The following GPHN variants were observed in gnomAD, a reference collection of about 807,000 sequenced individuals.
GPHN encodes gephyrin.
Under a neutral mutation model 95.5 loss-of-function variants are expected in GPHN, and 17 were observed. The observed-to-expected ratio is 0.18, with a 90% CI of 0.12 to 0.27. The LOEUF is 0.27. Among genes scored for constraint, GPHN ranks in the 10% least tolerant of loss-of-function variants. The pLI is 1.00. For missense variants in GPHN, 660 were observed against 978.1 expected (o/e 0.67, Z 4.34); for synonymous variants, 320 against 322.5 (o/e 0.99, Z 0.08).
intron 18 of GPHN, among the ~76,000 whole-genome samples, chr14:67,158,826 G>C (rs1035476544): frequency 5.9e-5 from 9 of 152,066 alleles, no homozygotes; most frequent in African/African-American, 2.2e-4. Flanking sequence ...TTGACTTTCT[G>C]TTTTAGAGTT....
the GPHN span, among the ~76,000 whole-genome samples, chr14:67,669,648 T>C: frequency 6.6e-6 from 1 of 152,178 alleles, no homozygotes; most frequent in African/African-American, 2.4e-5. Context: ...ACAGGTACCT[T>C]TGATATTCTC....
At chr14:67,204,490 G>A in the GPHN span, 60 of 1,531,178 alleles carry the variant, frequency 3.9e-5, no homozygotes, top group Non-Finnish European at 3.9e-5. Context: ...CTTTTTATAA[G>A]CCTCCCATCA....
At chr14:67,689,715 G>A in the GPHN span, among the ~76,000 whole-genome samples, 1 of 152,132 alleles carries the variant, frequency 6.6e-6, no homozygotes, top group African/African-American at 2.4e-5. Flanking sequence ...AGGCCAAGGT[G>A]GGTGGATCAC....
chr14:67,703,196 T>G, the GPHN span, among the ~76,000 whole-genome samples: 2 of 152,230 alleles, frequency 1.3e-5, no homozygotes, highest in Non-Finnish European at 1.5e-5. Flanking sequence ...TAGTTGGATC[T>G]AAATTATTTT....
chr14:66,663,732 A>G (rs1595456496), intron 1 of GPHN, among the ~76,000 whole-genome samples: 1 of 152,220 alleles, frequency 6.6e-6, no homozygotes, highest in Non-Finnish European at 1.5e-5. Context: ...GCTGTCTTCA[A>G]GAGACCCATC....
In GPHN at chr14:67,159,508, A is replaced by G; in HGVS notation, c.1910+20A>G. The G allele has an allele frequency of 7.0e-7, 1 of 1,424,132 alleles. No homozygotes were observed. The highest frequency in any genetic ancestry group is 9.9e-7 in the Non-Finnish European group (1 of 1,006,630). The allele number at this position is 1,424,132 out of a possible 1,614,324, so 88.2% of individuals were successfully genotyped here. ...ACCAGGGTATGAAAATCATCTTGTT[A>G]TCTCATATATGGGGTTGGTTTGGCT... On this transcript the variant is annotated intron_variant, in intron 19 of 22. Coordinates refer to ENST00000478722, the MANE Select transcript of GPHN (RefSeq NM_020806.5).
the GPHN span, chr14:67,695,526 GC>G: frequency 7.9e-6 from 9 of 1,140,320 alleles, no homozygotes; most frequent in African/African-American, 7.8e-5. Flanking sequence ...CCATCTTGGA[GC>G]CCCCCCAGGG....
At chr14:67,144,268 T>C (rs865834729) in intron 18 of GPHN, among the ~76,000 whole-genome samples, 77 of 105,624 alleles carry the variant, frequency 7.3e-4, no homozygotes, top group African/African-American at 1.2e-3. Context: ...TATATATATA[T>C]ATATATATAT....
At chr14:66,965,821 A>G (rs1242420737) in intron 9 of GPHN, among the ~76,000 whole-genome samples, 1 of 152,054 alleles carries the variant, frequency 6.6e-6, no homozygotes, top group Non-Finnish European at 1.5e-5. Flanking sequence ...ACAAATCTAA[A>G]TTTATTAGAA....
At chr14:66,569,558 G>A (rs1476379884) in intron 1 of GPHN, among the ~76,000 whole-genome samples, 1 of 151,926 alleles carries the variant, frequency 6.6e-6, no homozygotes, top group Non-Finnish European at 1.5e-5. Flanking sequence ...AGCTACTCAG[G>A]AGGCTGAGGC....
chr14:67,049,430 G>T lies in GPHN; in HGVS notation c.1007-9219G>T, dbSNP rs149750289. Among the ~76,000 whole-genome samples, 11 of 150,984 alleles carry T rather than the reference G, an allele frequency of 7.3e-5. No homozygotes were observed. The South Asian group carries it at 1.1e-3, about 14-fold the overall frequency. The stretch of plus-strand genomic sequence containing the variant: ...TTTTTAGTAGAGACGGGGTTTCACC[G>T]TGTTAGCCAGGATGTTTTCTAATGG... On this transcript the variant is annotated intron_variant, in intron 10 of 22. Transcript: ENST00000478722.
At chr14:66,602,762 A>G (rs900502785) in intron 1 of GPHN, among the ~76,000 whole-genome samples, 19 of 151,932 alleles carry the variant, frequency 1.3e-4, no homozygotes, top group African/African-American at 4.6e-4. Context: ...TGTTAATATG[A>G]CTTGCAAGCT....
At chr14:66,680,398 T>C (rs941470861) in intron 1 of GPHN, among the ~76,000 whole-genome samples, 5 of 152,226 alleles carry the variant, frequency 3.3e-5, no homozygotes, top group Non-Finnish European at 7.3e-5. Context: ...ACCACAACAT[T>C]ACAGGGATTA....
chr14:67,409,061 A>T, the GPHN span, among the ~76,000 whole-genome samples: 5 of 151,596 alleles, frequency 3.3e-5, no homozygotes, highest in African/African-American at 7.3e-5. Context: ...TAAAAAAAAA[A>T]AAAGAAATAA....
At chr14:67,020,915 G>GT (rs2073590713) in intron 9 of GPHN, among the ~76,000 whole-genome samples, 2 of 151,754 alleles carry the variant, frequency 1.3e-5, no homozygotes, top group South Asian at 4.2e-4. Flanking sequence ...TTCCCATAGA[G>GT]TAAAGCCAGG....
At chr14:67,450,768 G>A in the GPHN span, among the ~76,000 whole-genome samples, 7 of 152,196 alleles carry the variant, frequency 4.6e-5, no homozygotes, top group Non-Finnish European at 5.9e-5. Flanking sequence ...CTGACAATGC[G>A]ATAGAAAAGA....
At position 66,703,045 on chromosome 14, in the gene GPHN, G is replaced by T. The variant is rs181709283; in HGVS notation, c.143+21860G>T. Among the ~76,000 whole-genome samples, 4 of 152,120 alleles carry T rather than the reference G, an allele frequency of 2.6e-5. No homozygotes were observed. The East Asian group carries it at 7.7e-4, about 29-fold the overall frequency. On this transcript the variant is annotated intron_variant, in intron 2 of 22. Transcript: ENST00000478722. ...CGACCAAGTGGAAGAAGGGATATCA[G>T]TTTGAAGACCACGTTGCTGAAATAA...
At chr14:66,639,918 G>A (rs755873039) in intron 1 of GPHN, among the ~76,000 whole-genome samples, 3 of 152,074 alleles carry the variant, frequency 2.0e-5, no homozygotes, top group Non-Finnish European at 4.4e-5. Context: ...AGTGCTTATC[G>A]TATTTCTGTT....
the GPHN span, among the ~76,000 whole-genome samples, chr14:67,289,192 T>C: frequency 6.6e-6 from 1 of 152,024 alleles, no homozygotes; most frequent in Admixed American, 6.6e-5. Context: ...GGTCTCAAAC[T>C]CCTGACTTCG....
Sources: allele counts gnomAD v4.1 joint callset (sites outside exome capture counted in the v4.1 genomes callset), GRCh38; gene constraint gnomAD v4.1.1; transcripts MANE v1.5; gene names NCBI Gene and HGNC (gene_info 2026-07-23, HGNC 2026-07-21).